The following GYS2 variants were observed in gnomAD, a reference collection of about 807,000 sequenced individuals.
GYS2 encodes the protein glycogen synthase 2.
GYS2 carries 80 observed loss-of-function variants against 85.6 expected under a neutral mutation model. The ratio of observed to expected loss-of-function variants is 0.93; its 90% CI spans 0.78 to 1.13. GYS2 has a LOEUF of 1.13. Among genes scored for constraint, GYS2 ranks in the 50% most tolerant of loss-of-function variants. The probability of loss-of-function intolerance (pLI) is 0.00; values close to 1 mark genes in which losing one functional copy is unlikely to be tolerated. For synonymous variants in GYS2, 328 were observed against 300.7 expected, an observed-to-expected ratio of 1.09 and a Z score of -0.94; for missense variants, 881 against 854.9, an observed-to-expected ratio of 1.03 and a Z score of -0.38.
intron 1 of GYS2, among the ~76,000 whole-genome samples, chr12:21,586,439 C>CTATCTA (rs2136921128): frequency 6.6e-6 from 1 of 151,796 alleles, no homozygotes; most frequent in African/African-American, 2.4e-5. Flanking sequence ...ATCTATCTAT[C>CTATCTA]TATCTATCTA....
At chr12:21,567,845 C>T (rs941666665) in intron 5 of GYS2, among the ~76,000 whole-genome samples, 3 of 151,940 alleles carry the variant, frequency 2.0e-5, no homozygotes, top group South Asian at 4.2e-4. Flanking sequence ...GAGGCCAAGG[C>T]GGGTGGATCA....
intron 11 of GYS2, among the ~76,000 whole-genome samples, chr12:21,548,625 G>C (rs1220982127): frequency 6.6e-6 from 1 of 152,146 alleles, no homozygotes; most frequent in Non-Finnish European, 1.5e-5. Context: ...TTGTGCACTT[G>C]TATGAGCCAG....
chr12:21,591,385 T>C (rs975275111), intron 1 of GYS2, among the ~76,000 whole-genome samples: 1 of 151,432 alleles, frequency 6.6e-6, no homozygotes, highest in Non-Finnish European at 1.5e-5. Context: ...ATAGATCAGA[T>C]CAAGCAGAAG....
At chr12:21,561,000 T>G (rs1163919143) in intron 7 of GYS2, among the ~76,000 whole-genome samples, 2 of 152,220 alleles carry the variant, frequency 1.3e-5, no homozygotes, top group African/African-American at 4.8e-5. Flanking sequence ...ATAGATTATT[T>G]TTACTTTTCC....
In GYS2 at chr12:21,550,795, G is replaced by T. The variant is rs570047654; in HGVS notation, c.1423-4325C>A. 3.9e-5 allele frequency among the ~76,000 whole-genome samples: 6 copies of T among 152,214 alleles called. No individual in the cohort carries two copies. The East Asian group carries it at 1.2e-3, about 29-fold the overall frequency. On this transcript the variant is annotated intron_variant, in intron 11 of 15. Transcript: ENST00000261195. The stretch of plus-strand genomic sequence containing the variant: ...ATCTCCACTAAAAATACAAAAATCA[G>T]CTGGGTGTGGTGGCATGCACCTGTA...
intron 11 of GYS2, among the ~76,000 whole-genome samples, chr12:21,554,676 A>G (rs1427683468): frequency 5.3e-5 from 8 of 152,196 alleles, no homozygotes; most frequent in Non-Finnish European, 1.2e-4. Context: ...AATGTGTGTT[A>G]GGGAAAGGTG....
At chr12:21,590,039 G>A (rs1450202937) in intron 1 of GYS2, among the ~76,000 whole-genome samples, 3 of 152,204 alleles carry the variant, frequency 2.0e-5, no homozygotes, top group African/African-American at 7.2e-5. Flanking sequence ...CAGTAGCAGG[G>A]CTGCTACACA....
At chr12:21,563,390 G>C in intron 5 of GYS2, 45 bp from the exon 6 acceptor site, 1 of 975,922 alleles carries the variant, frequency 1.0e-6, no homozygotes, top group Non-Finnish European at 1.7e-6. Flanking sequence ...TCTTTTCAAA[G>C]AGGGTACCAT....
intron 1 of GYS2, among the ~76,000 whole-genome samples, chr12:21,591,639 C>T (rs1475232763): frequency 3.3e-5 from 5 of 152,066 alleles, no homozygotes; most frequent in African/African-American, 1.2e-4. Flanking sequence ...AAATGAAAAT[C>T]AGAAATTCCC....
At chr12:21,601,996 G>A (rs1411160660) in intron 1 of GYS2, among the ~76,000 whole-genome samples, 2 of 152,074 alleles carry the variant, frequency 1.3e-5, no homozygotes, top group Non-Finnish European at 2.9e-5. Context: ...CATTGTTCAT[G>A]GGCAAAATTC....
intron 11 of GYS2, among the ~76,000 whole-genome samples, chr12:21,551,735 A>G (rs1156622451): frequency 1.3e-5 from 2 of 152,208 alleles, no homozygotes; most frequent in African/African-American, 2.4e-5. Flanking sequence ...CATTCATAGA[A>G]CATGATTTGA....
chr12:21,580,446 C>T lies in GYS2; in HGVS notation c.199G>A (p.Gly67Ser). 6.2e-7 allele frequency: 1 copy of T among 1,613,312 alleles called. No individual in the cohort carries two copies. Among genetic ancestry groups the T allele is most frequent in the Non-Finnish European group, 8.5e-7 (1 of 1,179,360 alleles). Residue 67 changes from glycine to serine, a missense_variant, in exon 2 of 16, where the codon GGT (glycine) becomes AGT (serine). Physicochemically the swap from Gly to Ser is moderately conservative, Grantham distance 56. Transcript: ENST00000261195. ...DEWGENYFLI[G>S]PYFEHNMKTQ... The stretch of plus-strand genomic sequence containing the variant: ...TTCATATTATGCTCAAAATATGGAC[C>T]TATCAGAAAATAGTTCTCTCCCCAT...
In GYS2 at chr12:21,536,642, A is replaced by T. The variant is rs956370608; in HGVS notation, c.*312T>A. ...CAAAGGATTATGATGATCATTTAAA[A>T]ATAAACAGAGTAAGAGAAAATCCTT... is the stretch of plus-strand genomic sequence containing the variant. On this transcript the variant is annotated 3_prime_UTR_variant, in exon 16 of 16. Transcript: ENST00000261195. The T allele has an allele frequency of 4.0e-5, 15 of 378,942 alleles. No homozygotes were observed. The highest frequency in any genetic ancestry group is 8.2e-5 in the Admixed American group (2 of 24,538). 23.5% of individuals were successfully genotyped at this position (378,942 alleles called of 1,614,324 possible).
In GYS2 at chr12:21,539,353, C is replaced by A. The variant is rs780075031; in HGVS notation, c.1810-15G>T. 1.4e-6 allele frequency: 2 copies of A among 1,471,698 alleles called. No homozygotes were observed. Among genetic ancestry groups the A allele is most frequent in the Non-Finnish European group, 1.9e-6 (2 of 1,050,578 alleles). 91.2% of individuals were successfully genotyped at this position (1,471,698 alleles called of 1,614,324 possible). ...TGCTGGTAATACTATTGATAGAAAG[C>A]CAAATCACAGGTTAATAAAAACCCT... On this transcript the variant is annotated splice_polypyrimidine_tract_variant and intron_variant, in intron 14 of 15. Transcript: ENST00000261195.
intron 3 of GYS2, 104 bp downstream of exon 3, chr12:21,575,762 G>A (rs1944437669): frequency 2.3e-6 from 2 of 866,470 alleles, no homozygotes; most frequent in South Asian, 1.3e-5. Flanking sequence ...AGCCATAATG[G>A]CATCATCTCA....
At chr12:21,541,616 C>G (rs1398310364) in intron 13 of GYS2, among the ~76,000 whole-genome samples, 3 of 152,098 alleles carry the variant, frequency 2.0e-5, no homozygotes, top group Non-Finnish European at 4.4e-5. Flanking sequence ...GTTTTGCACT[C>G]TTTTTGCAGT....
At chr12:21,568,335 C>T (rs1458170185) in intron 5 of GYS2, among the ~76,000 whole-genome samples, 3 of 152,118 alleles carry the variant, frequency 2.0e-5, no homozygotes, top group Non-Finnish European at 2.9e-5. Flanking sequence ...GCCAATCAGC[C>T]GTGGCCGGGT....
Position 21,570,447 on chromosome 12 carries a change from A to G in GYS2, c.679-1438T>C, listed in dbSNP as rs951850535. 4.6e-5 allele frequency among the ~76,000 whole-genome samples: 7 copies of G among 152,268 alleles called. No individual in the cohort carries two copies. The South Asian group carries it at 1.0e-3, about 22-fold the overall frequency. On this transcript the variant is annotated intron_variant, in intron 4 of 15. Transcript: ENST00000261195. ...ACTCTGGCTGAAGGTAGGCAAAATT[A>G]TCTCATACTACGCAGTAAGCGTAGT...
At chr12:21,557,260 TG>T (rs1343832497) in intron 11 of GYS2, among the ~76,000 whole-genome samples, 1 of 152,222 alleles carries the variant, frequency 6.6e-6, no homozygotes, top group Non-Finnish European at 1.5e-5. Context: ...TCTGTTTGCA[TG>T]TTCATCTTTG....
Sources: allele counts gnomAD v4.1 joint callset (sites outside exome capture counted in the v4.1 genomes callset), GRCh38; gene constraint gnomAD v4.1.1; transcripts MANE v1.5; gene names NCBI Gene and HGNC (gene_info 2026-07-23, HGNC 2026-07-21).